The following REPS1 variants were observed in gnomAD, a reference collection of about 807,000 sequenced individuals.
The protein encoded by REPS1 is RALBP1 associated Eps domain containing 1.
REPS1 carries 39 observed loss-of-function variants against 100.9 expected under a neutral mutation model. The ratio of observed to expected loss-of-function variants is 0.39; its 90% confidence interval spans 0.30 to 0.50. The LOEUF (loss-of-function observed/expected upper bound fraction) is 0.50, where lower values mean the gene tolerates loss of function less well. REPS1 is among the 20% of genes least tolerant of loss of function. The pLI is 0.86. For synonymous variants in REPS1, 324 were observed against 340.3 expected, an observed-to-expected ratio of 0.95 and a Z score of 0.53; for missense variants, 821 against 968.5, an observed-to-expected ratio of 0.85 and a Z score of 2.02.
intron 1 of REPS1, among the ~76,000 whole-genome samples, chr6:138,953,713 C>T (rs1264773204): frequency 1.3e-5 from 2 of 149,016 alleles, no homozygotes; most frequent in African/African-American, 2.5e-5. Flanking sequence ...GGCGAGGATG[C>T]AGAAAAAAGG....
intron 1 of REPS1, among the ~76,000 whole-genome samples, chr6:138,959,943 G>A (rs2128491439): frequency 6.6e-6 from 1 of 152,300 alleles, no homozygotes; most frequent in East Asian, 1.9e-4. Context: ...CGCCAGAGTA[G>A]TCTGAAGACT....
At chr6:138,942,401 T>C (rs1782322481) in intron 7 of REPS1, among the ~76,000 whole-genome samples, 1 of 152,202 alleles carries the variant, frequency 6.6e-6, no homozygotes. Flanking sequence ...AGAAATAACA[T>C]TGATACACAC....
rs757534816 is a variant in REPS1, at chr6:138,911,332, C to T, written c.2011G>A (p.Ala671Thr). 2 of 1,613,690 alleles carry T rather than the reference C, an allele frequency of 1.2e-6. No homozygotes were observed. Among genetic ancestry groups the T allele is most frequent in the Non-Finnish European group, 1.7e-6 (2 of 1,179,710 alleles). Residue 671 changes from alanine (A) to threonine (T), a missense_variant, in exon 17 of 20, where the codon GCC becomes ACC. Around this residue, in one of 3 missense-constraint regions of REPS1, gnomAD observed 757 missense variants for 866.4 expected, o/e 0.87. Transcript: ENST00000450536. ...TCTTCAGTTTTACTATCTGTTTTGG[C>T]AACTCGAAGAGAACTTGCAGGATCA... ...ASDPASSLRV[A>T]KTDSKTEEKT...
chr6:138,906,167 C>T lies in REPS1; in HGVS notation c.2323-1035G>A, dbSNP rs73559478. On this transcript the variant is annotated intron_variant, in intron 19 of 19. Transcript: ENST00000450536. ...TGTCTTTAAGTTCATTCTTCCTGTA[C>T]GATGGACTAAATTAATAATCATATA... is the stretch of plus-strand genomic sequence containing the variant. 6.7e-3 allele frequency among the ~76,000 whole-genome samples: 1,027 copies of T among 152,276 alleles called. 13 individuals carry two copies. The highest frequency in any genetic ancestry group is 0.023 in the African/African-American group (951 of 41,552).
intron 19 of REPS1, among the ~76,000 whole-genome samples, chr6:138,905,746 C>G (rs965399355): frequency 6.6e-6 from 1 of 152,094 alleles, no homozygotes; most frequent in Non-Finnish European, 1.5e-5. Flanking sequence ...GCAATAAACC[C>G]GCCCCCTGGT....
chr6:138,958,638 A>G (rs1783549080), intron 1 of REPS1, among the ~76,000 whole-genome samples: 1 of 152,194 alleles, frequency 6.6e-6, no homozygotes, highest in Non-Finnish European at 1.5e-5. Context: ...ATATTAGTAC[A>G]TTGTAGTATA....
At chr6:138,907,369 A>T in intron 19 of REPS1, 126 bp downstream of exon 19, 2 of 602,254 alleles carry the variant, frequency 3.3e-6, no homozygotes, top group Non-Finnish European at 2.9e-6. Flanking sequence ...ACCACAGTCA[A>T]AGCATCTAGA....
chr6:138,913,411 C>T (rs1376092310), intron 15 of REPS1, among the ~76,000 whole-genome samples: 1 of 152,104 alleles, frequency 6.6e-6, no homozygotes, highest in African/African-American at 2.4e-5. Flanking sequence ...GGAACACTTC[C>T]CTTCAATTCA....
At chr6:138,986,281 G>C (rs1785254384) in intron 1 of REPS1, among the ~76,000 whole-genome samples, 2 of 152,226 alleles carry the variant, frequency 1.3e-5, no homozygotes, top group Non-Finnish European at 2.9e-5. Context: ...TGGCACGTAA[G>C]ACATCCCACC....
intron 11 of REPS1, among the ~76,000 whole-genome samples, 176 bp downstream of exon 11, chr6:138,920,861 T>G (rs1562520026): frequency 6.6e-6 from 1 of 152,210 alleles, no homozygotes; most frequent in African/African-American, 2.4e-5. Context: ...CTCCGTAATT[T>G]AAAATAAATT....
At chr6:138,978,286 T>C (rs190567507) in intron 1 of REPS1, among the ~76,000 whole-genome samples, 182 of 150,500 alleles carry the variant, frequency 1.2e-3, no homozygotes, top group Middle Eastern at 3.4e-3. Flanking sequence ...TTGTTTCTTT[T>C]CCTTTTCTTT....
At chr6:138,972,313 A>C (rs1350990426) in intron 1 of REPS1, among the ~76,000 whole-genome samples, 1 of 152,236 alleles carries the variant, frequency 6.6e-6, no homozygotes, top group Non-Finnish European at 1.5e-5. Context: ...AAGAACAAGT[A>C]AAAGCTGTGT....
intron 1 of REPS1, among the ~76,000 whole-genome samples, chr6:138,978,350 G>A (rs1176125817): frequency 2.0e-5 from 3 of 150,252 alleles, no homozygotes; most frequent in African/African-American, 7.4e-5. Flanking sequence ...GTCCATTGGC[G>A]CAATCTCGGG....
chr6:138,962,313 T>C (rs1174620826), intron 1 of REPS1, among the ~76,000 whole-genome samples: 1 of 152,014 alleles, frequency 6.6e-6, no homozygotes, highest in African/African-American at 2.4e-5. Flanking sequence ...CCCTTCCCAA[T>C]GATACAATGG....
intron 8 of REPS1, among the ~76,000 whole-genome samples, chr6:138,932,194 C>G (rs917986000): frequency 6.6e-6 from 1 of 152,124 alleles, no homozygotes; most frequent in Non-Finnish European, 1.5e-5. Flanking sequence ...GTGGGTCTAG[C>G]TGCTTGAGGC....
At position 138,965,379 on chromosome 6, in the gene REPS1, C is replaced by A. The variant is rs1260370265; in HGVS notation, c.154-17466G>T. Among the ~76,000 whole-genome samples the A allele has an allele frequency of 6.0e-5, 9 of 149,310 alleles. 1 individual carries two copies. The South Asian group carries it at 6.3e-4, about 10-fold the overall frequency. ...CGACAAAAAGGCTTTAAAAAAAAAACAAATAAGATTAAAGGTAAGAAAGGA... is the reference window on the plus strand; with the variant it reads ...CGACAAAAAGGCTTTAAAAAAAAAAAAAATAAGATTAAAGGTAAGAAAGGA... On this transcript the variant is annotated intron_variant, in intron 1 of 19. Coordinates refer to ENST00000450536, the MANE Select transcript of REPS1 (RefSeq NM_001286611.2).
chr6:138,930,568 G>C (rs1781426888), intron 8 of REPS1, among the ~76,000 whole-genome samples: 1 of 152,052 alleles, frequency 6.6e-6, no homozygotes, highest in Non-Finnish European at 1.5e-5. Context: ...ATGTCTCAAA[G>C]TTTAAAATAA....
At chr6:138,925,214 C>CAT (rs1554286543) in intron 10 of REPS1, among the ~76,000 whole-genome samples, 1 of 141,810 alleles carries the variant, frequency 7.1e-6, no homozygotes, top group African/African-American at 2.5e-5. Flanking sequence ...CACACACACA[C>CAT]AAATTAGCCA....
intron 1 of REPS1, among the ~76,000 whole-genome samples, chr6:138,979,558 C>A (rs1259011127): frequency 6.6e-6 from 1 of 152,214 alleles, no homozygotes; most frequent in East Asian, 1.9e-4. Flanking sequence ...TTACTAATAA[C>A]TTCCAGGTTG....
Sources: gnomAD v4.1 joint callset for allele counts (sites outside exome capture counted in the v4.1 genomes callset) on GRCh38, gnomAD v4.1.1 for gene constraint, gnomAD v4.1.1 regional missense constraint, MANE v1.5 for transcripts, NCBI Gene and HGNC (gene_info 2026-07-23, HGNC 2026-07-21) for gene names.